The following NCOR2 variants were observed in gnomAD, a reference collection of about 807,000 sequenced individuals.
NCOR2 encodes nuclear receptor corepressor 2.
Under a neutral mutation model 262.9 loss-of-function variants are expected in NCOR2, and 81 were observed. The ratio of observed to expected loss-of-function variants is 0.31; its 90% CI spans 0.26 to 0.37. The LOEUF (loss-of-function observed/expected upper bound fraction) is 0.37. Ranked by LOEUF, NCOR2 falls within the 10% of genes least tolerant of loss-of-function variation. The pLI is 1.00. For synonymous variants in NCOR2, 1,659 were observed against 1,559.3 expected (o/e 1.06, Z -1.51); for missense variants, 3,385 against 3,621.4 (o/e 0.93, Z 1.68).
chr12:124,357,321 T>C (rs1222043497), intron 22 of NCOR2, among the ~76,000 whole-genome samples: 2 of 152,096 alleles, frequency 1.3e-5, no homozygotes, highest in Non-Finnish European at 2.9e-5. Flanking sequence ...CCTGGCTAAT[T>C]TGTTTTACTT....
At chr12:124,364,547 T>TGC (rs1227812531) in intron 20 of NCOR2, among the ~76,000 whole-genome samples, 1 of 152,234 alleles carries the variant, frequency 6.6e-6, no homozygotes, top group Non-Finnish European at 1.5e-5. Flanking sequence ...GCTACTGAGA[T>TGC]GCGCGACCAG....
At chr12:124,374,384 C>A in intron 19 of NCOR2, 29 bp downstream of exon 21, 4 of 1,607,352 alleles carry the variant, frequency 2.5e-6, no homozygotes, top group Non-Finnish European at 2.6e-6. Flanking sequence ...CCCGGCCCTA[C>A]CCCCCAGGCC....
Position 124,457,064 on chromosome 12 carries a change from C to A in NCOR2, c.762+42G>T. ...CCTCCCTGCCCACCTCTCCAGCCAC[C>A]CCCGCCCTCCCCTGAGCCCCTGACC... On this transcript the variant is annotated intron_variant, in intron 6 of 46. Coordinates refer to ENST00000405201, the Ensembl canonical transcript of NCOR2. This position sits in a 1 kb window ranked among gnomAD's most constrained non-coding sequence, Gnocchi z 4.0. The A allele has an allele frequency of 1.6e-6, 2 of 1,219,710 alleles. No individual in the cohort carries two copies. The highest frequency in any genetic ancestry group is 2.3e-6 in the Non-Finnish European group (2 of 883,356). 75.6% of individuals were successfully genotyped at this position (1,219,710 alleles called of 1,614,324 possible).
chr12:124,441,547 C>T (rs117300401), intron 7 of NCOR2, among the ~76,000 whole-genome samples: 3,651 of 152,292 alleles, frequency 0.024, 67 homozygotes, highest in Middle Eastern at 0.051. Context: ...ACCCAACCAC[C>T]GCTGGCAAGA....
At chr12:124,567,589 C>A (rs1281334263), upstream of NCOR2, 40 of 145,214 alleles carry the variant, frequency 2.8e-4, 1 homozygote, top group South Asian at 7.5e-3. Context: ...CTCCGCGCTC[C>A]CCGGCGGCCG....
chr12:124,421,908 C>T (rs990074972), intron 12 of NCOR2, among the ~76,000 whole-genome samples: 38 of 152,238 alleles, frequency 2.5e-4, no homozygotes, highest in Non-Finnish European at 4.7e-4. Context: ...TGGAGCTGCT[C>T]CGGGCCTGGG....
At chr12:124,341,875 G>C in exon 34 of NCOR2, 1 of 1,611,954 alleles carries the variant, frequency 6.2e-7, no homozygotes, top group South Asian at 1.1e-5. Flanking sequence ...GGGGCGAGAG[G>C]CCCCTCAGCA....
intron 4 of NCOR2, among the ~76,000 whole-genome samples, chr12:124,466,976 C>CA (rs2046449786): frequency 6.7e-6 from 1 of 149,654 alleles, no homozygotes; most frequent in South Asian, 2.1e-4. Context: ...TCATCACCCC[C>CA]ATCATCCTCA....
At chr12:124,562,202 G>A (rs768275490) in intron 1 of NCOR2, 1 of 152,158 alleles carries the variant, frequency 6.6e-6, no homozygotes, top group Non-Finnish European at 1.5e-5. Flanking sequence ...AAAATGACCA[G>A]TTCAGCTGCT....
intron 15 of NCOR2, among the ~76,000 whole-genome samples, chr12:124,399,420 G>A (rs2041875439): frequency 6.6e-6 from 1 of 152,186 alleles, no homozygotes; most frequent in Non-Finnish European, 1.5e-5. Context: ...AGATCAGGCA[G>A]GAAGAAAGCC....
Position 124,438,206 on chromosome 12 carries a change from G to A in NCOR2, c.816-210C>T, listed in dbSNP as rs184950053. 8.7e-4 allele frequency among the ~76,000 whole-genome samples: 133 copies of A among 152,226 alleles called. 1 individual carries two copies. Among genetic ancestry groups the A allele is most frequent in the African/African-American group, 1.3e-3 (56 of 41,530 alleles). ...CGCGCGCGAGGCAGCCCCCGCCAAC[G>A]TTTAGGTTGAGCCCAGTGTGCAGGC... On this transcript the variant is annotated intron_variant, in intron 7 of 46. Coordinates refer to ENST00000405201, the Ensembl canonical transcript of NCOR2.
chr12:124,496,257 T>A (rs1163197548), upstream of NCOR2, among the ~76,000 whole-genome samples: 1 of 137,962 alleles, frequency 7.2e-6, no homozygotes, highest in East Asian at 2.2e-4. The surrounding 1 kb of genome is among the most constrained non-coding windows in gnomAD (Gnocchi z 4.4). Flanking sequence ...GCTTCTCCCC[T>A]TCCTCCGCCA....
intron 26 of NCOR2, 76 bp from the exon 29 acceptor site, chr12:124,354,272 C>G: frequency 7.1e-7 from 1 of 1,415,300 alleles, no homozygotes; most frequent in Non-Finnish European, 9.6e-7. Context: ...TGAGAGCCAC[C>G]CTGACTGAGA....
At chr12:124,525,038 C>T (rs966938662) in intron 1 of NCOR2, among the ~76,000 whole-genome samples, 7 of 152,200 alleles carry the variant, frequency 4.6e-5, no homozygotes, top group Non-Finnish European at 2.9e-5. Context: ...AAGGGAAAGG[C>T]AAAAGTCATT....
chr12:124,334,455 G>T, exon 41 of NCOR2: 1 of 1,496,656 alleles, frequency 6.7e-7, no homozygotes, highest in Non-Finnish European at 8.9e-7. Context: ...GGGGAGCCAC[G>T]GGCCGGGGCA....
At chr12:124,426,942 G>C in intron 10 of NCOR2, 142 bp from the exon 13 acceptor site, 1 of 716,324 alleles carries the variant, frequency 1.4e-6, no homozygotes, top group Non-Finnish European at 2.2e-6. Context: ...GGAGAATGAT[G>C]AGTTTAAAAA....
chr12:124,332,605 T>TGG, intron 42 of NCOR2, 138 bp from the exon 45 acceptor site: 1 of 1,108,350 alleles, frequency 9.0e-7, no homozygotes, highest in African/African-American at 1.5e-5. Flanking sequence ...ATCCCCTGCC[T>TGG]GGTAGAAGAT....
At chr12:124,416,825 G>C (rs186836926) in intron 13 of NCOR2, among the ~76,000 whole-genome samples, 1 of 147,068 alleles carries the variant, frequency 6.8e-6, no homozygotes, top group Non-Finnish European at 1.5e-5. Flanking sequence ...TAGACCCCGC[G>C]GCACAGGGAG....
chr12:124,434,910 C>T (rs116810230), intron 8 of NCOR2, among the ~76,000 whole-genome samples: 2,417 of 152,300 alleles, frequency 0.016, 61 homozygotes, highest in African/African-American at 0.055. Context: ...TTGTACTCTT[C>T]TGTCAAATTT....
Sources: gnomAD v4.1 joint callset for allele counts (sites outside exome capture counted in the v4.1 genomes callset) on GRCh38, gnomAD v4.1.1 for gene constraint, Gnocchi (gnomAD v3.1) non-coding constraint, MANE v1.5 for transcripts, NCBI Gene and HGNC (gene_info 2026-07-23, HGNC 2026-07-21) for gene names.